Variants in OR6B1 observed in about 807,000 individuals in gnomAD.
The protein encoded by OR6B1 is olfactory receptor 6B1.
OR6B1 carries 15 observed loss-of-function variants against 15.4 expected under a neutral mutation model. The ratio of observed to expected loss-of-function variants is 0.97; its 90% confidence interval spans 0.65 to 1.50. OR6B1 has a LOEUF of 1.50. Ranked by LOEUF, OR6B1 falls within the 40% of genes most tolerant of loss-of-function variation. The pLI, the probability that OR6B1 is intolerant of heterozygous loss-of-function variation, is 0.00. For synonymous variants in OR6B1, 139 were observed against 144.9 expected (o/e 0.96, Z 0.29); for missense variants, 384 against 385.0 (o/e 1.00, Z 0.02).
chr7:144,002,663 C>G (rs35669680), intron 1 of OR6B1, among the ~76,000 whole-genome samples: 1 of 152,142 alleles, frequency 6.6e-6, no homozygotes. Flanking sequence ...CGTTTTGCAA[C>G]GACAGAGTTA....
At chr7:144,001,766 T>G (rs2050586019) in intron 1 of OR6B1, among the ~76,000 whole-genome samples, 1 of 152,210 alleles carries the variant, frequency 6.6e-6, no homozygotes, top group East Asian at 1.9e-4. Flanking sequence ...CAATTATGAG[T>G]TGAGTTCCTG....
intron 1 of OR6B1, among the ~76,000 whole-genome samples, 165 bp downstream of exon 1, chr7:144,000,815 T>C (rs1289144426): frequency 6.6e-6 from 1 of 152,226 alleles, no homozygotes; most frequent in Non-Finnish European, 1.5e-5. Flanking sequence ...TCTCCTGAAA[T>C]CTAAGTGCAG....
chr7:144,002,514 C>T (rs943885359), intron 1 of OR6B1, among the ~76,000 whole-genome samples: 1 of 152,194 alleles, frequency 6.6e-6, no homozygotes, highest in Non-Finnish European at 1.5e-5. Flanking sequence ...TCACCAATTA[C>T]TGTTAAAGAT....
Position 144,008,572 on chromosome 7 carries a change from G to A in OR6B1, c.*3640G>A, listed in dbSNP as rs1428794239. 2.0e-5 allele frequency: 3 copies of A among 152,068 alleles called. No individual in the cohort carries two copies. The highest frequency in any genetic ancestry group is 4.4e-5 in the Non-Finnish European group (3 of 68,042). 9.4% of individuals were successfully genotyped at this position (152,068 alleles called of 1,614,324 possible). On this transcript the variant is annotated 3_prime_UTR_variant, in exon 2 of 2. Coordinates refer to ENST00000641698, the MANE Select transcript of OR6B1 (RefSeq NM_001005281.3). ...CCTGGTGGGAAGTGATTGCATCATG[G>A]GGGTGGTTCCCCCATGCTGTTCTCA...
chr7:144,003,316 T>C (rs1256692710), intron 1 of OR6B1, among the ~76,000 whole-genome samples: 1 of 152,226 alleles, frequency 6.6e-6, no homozygotes, highest in Non-Finnish European at 1.5e-5. Context: ...TGAATAAATA[T>C]TAATATTCAC....
intron 1 of OR6B1, among the ~76,000 whole-genome samples, chr7:144,001,621 G>C (rs2050585212): frequency 6.6e-6 from 1 of 152,288 alleles, no homozygotes; most frequent in Non-Finnish European, 1.5e-5. Flanking sequence ...ATTACTTATT[G>C]TCTATACTTC....
chr7:144,008,036 C>G lies in OR6B1; in HGVS notation c.*3104C>G, dbSNP rs112290087. ...AGATATAAGTAATGATTCTCCCCCC[C>G]TAGAGCTGTCAAAGGAAGAGAGCCC... On this transcript the variant is annotated 3_prime_UTR_variant, in exon 2 of 2. Transcript: ENST00000641698. 6.6e-6 allele frequency: 1 copy of G among 152,172 alleles called. No homozygotes were observed. The highest frequency in any genetic ancestry group is 1.5e-5 in the Non-Finnish European group (1 of 68,046). 9.4% of individuals were successfully genotyped at this position (152,172 alleles called of 1,614,324 possible).
chr7:144,008,273 T>C lies in OR6B1; in HGVS notation c.*3341T>C, dbSNP rs550546642. 1 of 152,260 alleles carries C rather than the reference T, an allele frequency of 6.6e-6. No individual in the cohort carries two copies. The highest frequency in any genetic ancestry group is 6.5e-5 in the Admixed American group (1 of 15,292). The allele number at this position is 152,260 out of a possible 1,614,324, so 9.4% of individuals were successfully genotyped here. On this transcript the variant is annotated 3_prime_UTR_variant, in exon 2 of 2. Transcript: ENST00000641698. ...GCTGCTGGAGATGAGAAATTTTAAA[T>C]AAGATGGTCACAGAATCACCAAGTG...
rs2050616515 is a variant in OR6B1, at chr7:144,005,146, A to C, written c.*214A>C. On this transcript the variant is annotated 3_prime_UTR_variant, in exon 2 of 2. Transcript: ENST00000641698. ...TAGAGAGCTAGAGAAAACAGTTCTC[A>C]ATGGTTGTGACCCCAAATGGGGTTT... 2 of 506,322 alleles carry C rather than the reference A, an allele frequency of 4.0e-6. No individual in the cohort carries two copies. The highest frequency in any genetic ancestry group is 6.4e-5 in the East Asian group (2 of 31,266). 31.4% of individuals were successfully genotyped at this position (506,322 alleles called of 1,614,324 possible).
chr7:144,001,480 A>C (rs4725634), intron 1 of OR6B1, among the ~76,000 whole-genome samples: 67,601 of 151,972 alleles, frequency 0.44, 16,289 homozygotes, highest in African/African-American at 0.6. Context: ...CTTTAAGTGT[A>C]TGCTATGAGG....
In OR6B1 at chr7:144,008,366, G is replaced by A. The variant is rs567015502; in HGVS notation, c.*3434G>A. The stretch of plus-strand genomic sequence containing the variant: ...TAAGATATATGGCTACTTTGGCAAA[G>A]AACATTCCAGGTAGAGAAACAGCAA... On this transcript the variant is annotated 3_prime_UTR_variant, in exon 2 of 2. Transcript: ENST00000641698. 1 of 152,256 alleles carries A rather than the reference G, an allele frequency of 6.6e-6. No homozygotes were observed. Among genetic ancestry groups the A allele is most frequent in the Non-Finnish European group, 1.5e-5 (1 of 68,100 alleles). The allele number at this position is 152,256 out of a possible 1,614,324, so 9.4% of individuals were successfully genotyped here.
Position 144,004,602 on chromosome 7 carries a change from G to A in OR6B1, c.606G>A (p.Leu202=). The A allele has an allele frequency of 6.2e-7, 1 of 1,614,138 alleles. No individual in the cohort carries two copies. Among genetic ancestry groups the A allele is most frequent in the Non-Finnish European group, 8.5e-7 (1 of 1,179,994 alleles). ...MSITELVDFI[L]ALVIFLFPLF... ...TAACTGAGTTGGTAGACTTTATCCT[G>A]GCACTGGTCATCTTCCTATTCCCAC... Residue 202 remains leucine (L), a synonymous_variant, in exon 2 of 2, where the codon CTG becomes CTA. Transcript: ENST00000641698.
rs765157690 is a variant in OR6B1 at position 144,004,599 on chromosome 7, C to A, written c.603C>A (p.Ile201=). The change falls in exon 2 of 2, where the codon ATC becomes ATA. Residue 201 remains isoleucine (I), a synonymous_variant. Transcript: ENST00000641698. ...DMSITELVDF[I]LALVIFLFPL... ...CCATAACTGAGTTGGTAGACTTTATCCTGGCACTGGTCATCTTCCTATTCC... is the reference window on the plus strand; with the variant it reads ...CCATAACTGAGTTGGTAGACTTTATACTGGCACTGGTCATCTTCCTATTCC... 9 of 1,614,168 alleles carry A rather than the reference C, an allele frequency of 5.6e-6. No individual in the cohort carries two copies. The highest frequency in any genetic ancestry group is 6.8e-6 in the Non-Finnish European group (8 of 1,180,006).
In OR6B1 at chr7:144,008,735, T is replaced by C. The variant is rs983204950; in HGVS notation, c.*3803T>C. 6.6e-6 allele frequency: 1 copy of C among 152,546 alleles called. No homozygotes were observed. The highest frequency in any genetic ancestry group is 1.9e-4 in the East Asian group (1 of 5,188). 9.4% of individuals were successfully genotyped at this position (152,546 alleles called of 1,614,324 possible). A position where few individuals can be genotyped will look rare whatever the true frequency, so the allele number is the denominator to read the frequency against. On this transcript the variant is annotated 3_prime_UTR_variant, in exon 2 of 2. Transcript: ENST00000641698. ...TTCGCCTCCTGCCATGATTGTAAGT[T>C]TCCTGAGGCCTCCCCAACCATGTGG...
intron 1 of OR6B1, among the ~76,000 whole-genome samples, chr7:144,001,854 A>G (rs1226065676): frequency 3.4e-5 from 5 of 148,352 alleles, no homozygotes; most frequent in African/African-American, 5.1e-5. Context: ...TCCTCCTCCT[A>G]ATTTATATTT....
Position 144,004,270 on chromosome 7 carries a change from A to G in OR6B1, c.274A>G (p.Ile92Val). ...LFSFWSVNNS[I>V]SFTLCMIQLY... Reference sequence around the variant, plus strand: ...TAGTTTTTGGTCTGTGAACAACAGCATCTCTTTCACACTCTGTATGATACA... The same window carrying G: ...TAGTTTTTGGTCTGTGAACAACAGCGTCTCTTTCACACTCTGTATGATACA... The change falls in exon 2 of 2, where the codon ATC becomes GTC. Residue 92 changes from isoleucine to valine, a missense_variant. Ile to Val is a conservative substitution (Grantham distance 29). Coordinates refer to ENST00000641698, the MANE Select transcript of OR6B1 (RefSeq NM_001005281.3). 1 of 1,614,172 alleles carries G rather than the reference A, an allele frequency of 6.2e-7. No homozygotes were observed. The highest frequency in any genetic ancestry group is 8.5e-7 in the Non-Finnish European group (1 of 1,180,030).
chr7:144,008,145 T>C lies in OR6B1; in HGVS notation c.*3213T>C, dbSNP rs2050637246. The C allele has an allele frequency of 6.6e-6, 1 of 152,358 alleles. No individual in the cohort carries two copies. The highest frequency in any genetic ancestry group is 6.5e-5 in the Admixed American group (1 of 15,292). The allele number at this position is 152,358 out of a possible 1,614,324, so 9.4% of individuals were successfully genotyped here. A position where few individuals can be genotyped will look rare whatever the true frequency, so the allele number is the denominator to read the frequency against. On this transcript the variant is annotated 3_prime_UTR_variant, in exon 2 of 2. Coordinates refer to ENST00000641698, the MANE Select transcript of OR6B1 (RefSeq NM_001005281.3). ...TTGTTTTAAGCTACCAAGTTTGTGG[T>C]AATTTGTTATAAAAACCCTGGGAAA...
At position 144,004,978 on chromosome 7, in the gene OR6B1, T is replaced by C. The variant is rs372241166; in HGVS notation, c.*46T>C. On this transcript the variant is annotated 3_prime_UTR_variant, in exon 2 of 2. Coordinates refer to ENST00000641698, the MANE Select transcript of OR6B1 (RefSeq NM_001005281.3). ...AGAAAGGTCTGAGTGGGTGCCTGTA[T>C]GTCTTCCTCCATCCTTTCTCCTTTA... The C allele has an allele frequency of 5.9e-6, 8 of 1,358,226 alleles. No homozygotes were observed. The highest frequency in any genetic ancestry group is 8.0e-6 in the Non-Finnish European group (8 of 996,876). The allele number at this position is 1,358,226 out of a possible 1,614,324, so 84.1% of individuals were successfully genotyped here. A position where few individuals can be genotyped will look rare whatever the true frequency, so the allele number is the denominator to read the frequency against.
chr7:144,006,404 T>C lies in OR6B1; in HGVS notation c.*1472T>C, dbSNP rs1226202877. The C allele has an allele frequency of 6.6e-6, 1 of 152,146 alleles. No homozygotes were observed. Among genetic ancestry groups the C allele is most frequent in the Non-Finnish European group, 1.5e-5 (1 of 68,020 alleles). The allele number at this position is 152,146 out of a possible 1,614,324, so 9.4% of individuals were successfully genotyped here. On this transcript the variant is annotated 3_prime_UTR_variant, in exon 2 of 2. Coordinates refer to ENST00000641698, the MANE Select transcript of OR6B1 (RefSeq NM_001005281.3). The stretch of plus-strand genomic sequence containing the variant: ...CAGTAATAAAATAAAAATGAAAACA[T>C]GTGAATTATAGGTCCCAGAGGAAAA...
Sources: allele counts gnomAD v4.1 joint callset (sites outside exome capture counted in the v4.1 genomes callset), GRCh38; gene constraint gnomAD v4.1.1; transcripts MANE v1.5; gene names NCBI Gene and HGNC (gene_info 2026-07-23, HGNC 2026-07-21).